The following MEGF10 variants were observed in gnomAD, a reference collection of about 807,000 sequenced individuals.
The protein encoded by MEGF10 is multiple EGF like domains 10, also known as multiple epidermal growth factor-like domains protein 10.
In MEGF10, 86 loss-of-function variants were observed where a neutral mutation model predicts 147.5. The ratio of observed to expected loss-of-function variants is 0.58; its 90% CI spans 0.49 to 0.70. MEGF10 has a LOEUF of 0.70. Among genes scored for constraint, MEGF10 ranks in the 30% least tolerant of loss-of-function variants. The pLI, the probability that MEGF10 is intolerant of heterozygous loss-of-function variation, is 0.00. For synonymous variants in MEGF10, 478 were observed against 525.5 expected, an observed-to-expected ratio of 0.91 and a Z score of 1.24; for missense variants, 1,329 against 1,487.3, an observed-to-expected ratio of 0.89 and a Z score of 1.75.
intron 4 of MEGF10, among the ~76,000 whole-genome samples, chr5:127,346,061 GTGTATGTA>G (rs141364467): frequency 1.3e-5 from 2 of 152,040 alleles, no homozygotes; most frequent in Admixed American, 1.3e-4. Flanking sequence ...ATTCCATGGT[GTGTATGTA>G]TGTATGTATG....
intron 5 of MEGF10, among the ~76,000 whole-genome samples, chr5:127,387,614 C>A (rs1763481610): frequency 6.6e-6 from 1 of 152,172 alleles, no homozygotes; most frequent in Non-Finnish European, 1.5e-5. Flanking sequence ...GGGATGATTG[C>A]AGCTTTGGAG....
At position 127,443,042 on chromosome 5, in the gene MEGF10, G is replaced by A; in HGVS notation, c.2407G>A (p.Asp803Asn). Residue 803 changes from aspartate (D) to asparagine (N), a missense_variant, in exon 19 of 25, where the codon GAT becomes AAT. Coordinates refer to ENST00000503335, the MANE Select transcript of MEGF10 (RefSeq NM_001256545.2). ...TYGYGCRQIC[D>N]CLNNSTCDHI... is the part of the protein sequence containing the mutation. ...TGGCTATGGCTGTCGCCAGATATGT[G>A]ATTGTCTGAACAACTCCACCTGCGA... 1 of 1,613,834 alleles carries A rather than the reference G, an allele frequency of 6.2e-7. No homozygotes were observed. The highest frequency in any genetic ancestry group is 8.5e-7 in the Non-Finnish European group (1 of 1,179,786).
the MEGF10 span, among the ~76,000 whole-genome samples, chr5:127,234,929 C>T: frequency 6.6e-6 from 1 of 151,992 alleles, no homozygotes; most frequent in Non-Finnish European, 1.5e-5. Context: ...CTGCAACCTC[C>T]ACCTCCCTGG....
At chr5:127,271,206 A>G in the MEGF10 span, among the ~76,000 whole-genome samples, 2 of 152,194 alleles carry the variant, frequency 1.3e-5, no homozygotes, top group Non-Finnish European at 2.9e-5. Context: ...CTTTCTCTCC[A>G]TAACCTCACC....
At chr5:127,402,853 GA>G (rs756135352) in intron 8 of MEGF10, among the ~76,000 whole-genome samples, 171 bp downstream of exon 8, 37 of 152,072 alleles carry the variant, frequency 2.4e-4, no homozygotes, top group African/African-American at 2.9e-4. Flanking sequence ...TCAGTGTATA[GA>G]AACTGAATTA....
At chr5:127,384,488 G>A (rs529131355) in intron 5 of MEGF10, among the ~76,000 whole-genome samples, 3 of 152,138 alleles carry the variant, frequency 2.0e-5, no homozygotes, top group Non-Finnish European at 2.9e-5. Context: ...TTCCTGCACC[G>A]TGAATAGGGT....
chr5:127,242,960 A>C, the MEGF10 span, among the ~76,000 whole-genome samples: 1 of 152,166 alleles, frequency 6.6e-6, no homozygotes, highest in Admixed American at 6.6e-5. Flanking sequence ...TTTCCCATGT[A>C]TGTTTATGGA....
At chr5:127,229,808 G>A in the MEGF10 span, 2 of 151,986 alleles carry the variant, frequency 1.3e-5, no homozygotes, top group Admixed American at 1.3e-4. Flanking sequence ...TGGAGCGAGG[G>A]GAGCGAGCAG....
At chr5:127,422,137 G>A (rs943418828) in intron 12 of MEGF10, among the ~76,000 whole-genome samples, 2 of 152,030 alleles carry the variant, frequency 1.3e-5, no homozygotes, top group African/African-American at 2.4e-5. Flanking sequence ...GTTGTGTCAG[G>A]CATAAACTAG....
chr5:127,247,485 G>T, the MEGF10 span, among the ~76,000 whole-genome samples: 3,778 of 140,510 alleles, frequency 0.027, 405 homozygotes, highest in Middle Eastern at 0.079. Flanking sequence ...AGAAGAAGAA[G>T]AAAAATTTAA....
chr5:127,421,127 C>T (rs1026381673), intron 12 of MEGF10, among the ~76,000 whole-genome samples: 5 of 152,216 alleles, frequency 3.3e-5, no homozygotes, highest in Admixed American at 2.0e-4. Flanking sequence ...AACAAATTAT[C>T]AGTACTTGGA....
intron 2 of MEGF10, among the ~76,000 whole-genome samples, chr5:127,337,294 G>A (rs989437609): frequency 6.6e-6 from 1 of 152,050 alleles, no homozygotes; most frequent in Non-Finnish European, 1.5e-5. Flanking sequence ...ATCTGAGGGG[G>A]TCTTATCTCT....
chr5:127,449,015 C>T (rs1322442904), intron 21 of MEGF10, 84 bp from the exon 22 acceptor site: 7 of 1,556,078 alleles, frequency 4.5e-6, no homozygotes, highest in Non-Finnish European at 6.1e-6. Flanking sequence ...AATATGTGCC[C>T]TGGACTTTTC....
In MEGF10 at chr5:127,394,610, T is replaced by G. The variant is rs546116903; in HGVS notation, c.413-1922T>G. Among the ~76,000 whole-genome samples the G allele has an allele frequency of 1.8e-3, 275 of 152,306 alleles. 2 individuals carry two copies. Among genetic ancestry groups the G allele is most frequent in the Non-Finnish European group, 3.2e-3 (220 of 68,026 alleles). On this transcript the variant is annotated intron_variant, in intron 5 of 24. Coordinates refer to ENST00000503335, the MANE Select transcript of MEGF10 (RefSeq NM_001256545.2). ...ATCAAAAGGGACATATCATGTAATTTTCTTAAAGATTTTTTTCTTTTGAGA... is the reference window on the plus strand; with the variant it reads ...ATCAAAAGGGACATATCATGTAATTGTCTTAAAGATTTTTTTCTTTTGAGA...
At chr5:127,419,826 C>T (rs958069866) in intron 11 of MEGF10, among the ~76,000 whole-genome samples, 4 of 152,178 alleles carry the variant, frequency 2.6e-5, no homozygotes, top group Admixed American at 6.5e-5. Context: ...CTGGCATCCT[C>T]GACAGATCAC....
chr5:127,360,405 T>G (rs1200722496), intron 4 of MEGF10, among the ~76,000 whole-genome samples: 1 of 152,014 alleles, frequency 6.6e-6, no homozygotes, highest in African/African-American at 2.4e-5. Context: ...TCTAAATACA[T>G]ATATTTACAT....
At chr5:127,240,049 G>A in the MEGF10 span, among the ~76,000 whole-genome samples, 1 of 152,142 alleles carries the variant, frequency 6.6e-6, no homozygotes, top group Admixed American at 6.5e-5. Flanking sequence ...AAAGTCTATC[G>A]AGTATTTTAG....
chr5:127,302,872 G>A (rs1759833182), intron 1 of MEGF10, among the ~76,000 whole-genome samples: 2 of 152,204 alleles, frequency 1.3e-5, no homozygotes, highest in African/African-American at 2.4e-5. Context: ...GGTGACCAGA[G>A]AAGGCTTCTT....
chr5:127,248,851 A>G, the MEGF10 span, among the ~76,000 whole-genome samples: 1 of 151,896 alleles, frequency 6.6e-6, no homozygotes, highest in African/African-American at 2.4e-5. Context: ...GCAGATCTAA[A>G]AACACCAAAG....
Sources: allele counts gnomAD v4.1 joint callset (sites outside exome capture counted in the v4.1 genomes callset), GRCh38; gene constraint gnomAD v4.1.1; transcripts MANE v1.5; gene names NCBI Gene and HGNC (gene_info 2026-07-23, HGNC 2026-07-21).